The following ULK4 variants were observed in gnomAD, a reference collection of about 807,000 sequenced individuals.
ULK4 encodes inactive serine/threonine-protein kinase ULK4.
ULK4 carries 133 observed loss-of-function variants against 160.6 expected under a neutral mutation model. That is an observed-to-expected ratio of 0.83 (90% confidence interval 0.72 to 0.96). ULK4 has a LOEUF of 0.96. Among genes scored for constraint, ULK4 ranks in the 40% least tolerant of loss-of-function variants. The pLI is 0.00. For synonymous variants in ULK4, 534 were observed against 539.8 expected, an observed-to-expected ratio of 0.99 and a Z score of 0.15; for missense variants, 1,580 against 1,499.5, an observed-to-expected ratio of 1.05 and a Z score of -0.89.
intron 35 of ULK4, among the ~76,000 whole-genome samples, chr3:41,374,580 T>C (rs953513182): frequency 6.6e-6 from 1 of 152,160 alleles, no homozygotes; most frequent in African/African-American, 2.4e-5. Context: ...TTCAATAAAA[T>C]TCAACACCTC....
chr3:41,538,289 A>G (rs1281206006), intron 32 of ULK4, among the ~76,000 whole-genome samples: 2 of 152,154 alleles, frequency 1.3e-5, no homozygotes, highest in Admixed American at 1.3e-4. Flanking sequence ...ATTAAGGACT[A>G]TATCACAAAA....
intron 35 of ULK4, among the ~76,000 whole-genome samples, chr3:41,356,814 A>T (rs1027163952): frequency 6.6e-6 from 1 of 152,114 alleles, no homozygotes; most frequent in African/African-American, 2.4e-5. Context: ...GCTTCAAGGG[A>T]GAGAAAGGAG....
chr3:41,371,034 T>C (rs1403378654), intron 35 of ULK4, among the ~76,000 whole-genome samples: 2 of 152,140 alleles, frequency 1.3e-5, no homozygotes, highest in Admixed American at 6.5e-5. Flanking sequence ...GCCTGGAAGT[T>C]TGAACTGGGC....
At chr3:41,255,671 A>T (rs1281040596) in intron 35 of ULK4, among the ~76,000 whole-genome samples, 1 of 152,238 alleles carries the variant, frequency 6.6e-6, no homozygotes, top group Non-Finnish European at 1.5e-5. Context: ...GGCCAGGAAG[A>T]TACAGCAATT....
chr3:41,522,688 GA>G (rs1414514196), intron 32 of ULK4, among the ~76,000 whole-genome samples: 7 of 152,156 alleles, frequency 4.6e-5, no homozygotes, highest in Non-Finnish European at 1.0e-4. Context: ...TGATATGACA[GA>G]ACTGAAAATG....
At chr3:41,345,788 GAAGAA>G (rs2080786305) in intron 35 of ULK4, among the ~76,000 whole-genome samples, 1 of 152,006 alleles carries the variant, frequency 6.6e-6, no homozygotes, top group Non-Finnish European at 1.5e-5. Context: ...AATATAAGTT[GAAGAA>G]AAGTAAAATA....
At chr3:41,688,852 T>C (rs2036187038) in intron 27 of ULK4, among the ~76,000 whole-genome samples, 1 of 152,216 alleles carries the variant, frequency 6.6e-6, no homozygotes, top group Non-Finnish European at 1.5e-5. Context: ...AGCCTGAATA[T>C]ACTGGTGGTA....
At chr3:41,745,311 C>T (rs1198343878) in intron 22 of ULK4, among the ~76,000 whole-genome samples, 1 of 151,138 alleles carries the variant, frequency 6.6e-6, no homozygotes, top group African/African-American at 2.4e-5. Flanking sequence ...TCATCTATAT[C>T]AGGAATGAAA....
At position 41,341,084 on chromosome 3, in the gene ULK4, G is replaced by A. The variant is rs1187304143; in HGVS notation, c.3678+56995C>T. ...AAGTCCAGCTGTGTGCCATCTCACG[G>A]CTGGGAGCATCTCAGGACAGTGACA... is the stretch of plus-strand genomic sequence containing the variant. On this transcript the variant is annotated intron_variant, in intron 35 of 36. Coordinates refer to ENST00000301831, the MANE Select transcript of ULK4 (RefSeq NM_017886.4). 2.0e-5 allele frequency among the ~76,000 whole-genome samples: 3 copies of A among 152,164 alleles called. No individual in the cohort carries two copies. The East Asian group carries it at 5.8e-4, about 29-fold the overall frequency.
chr3:41,940,136 C>T lies in ULK4; in HGVS notation c.139-1939G>A, dbSNP rs757750432. ...CTCAGGAAAGGACCCCCAAGCCTCT[C>T]AAAAAGTATCAAAGATCTGAACCTC... is the stretch of plus-strand genomic sequence containing the variant. On this transcript the variant is annotated intron_variant, in intron 2 of 36. Coordinates refer to ENST00000301831, the MANE Select transcript of ULK4 (RefSeq NM_017886.4). Among the ~76,000 whole-genome samples the T allele has an allele frequency of 1.1e-3, 160 of 152,142 alleles. 2 individuals carry two copies. The highest frequency in any genetic ancestry group is 4.3e-4 in the Non-Finnish European group (29 of 67,992).
At chr3:41,624,449 A>C (rs1324398028) in intron 30 of ULK4, among the ~76,000 whole-genome samples, 4 of 152,068 alleles carry the variant, frequency 2.6e-5, no homozygotes, top group African/African-American at 9.7e-5. Context: ...ATAACCACAC[A>C]AAACTATCTT....
At chr3:41,609,815 T>C (rs1225709551) in intron 31 of ULK4, among the ~76,000 whole-genome samples, 2 of 151,558 alleles carry the variant, frequency 1.3e-5, no homozygotes, top group Admixed American at 6.6e-5. Context: ...CTACAAACAC[T>C]ACGAAAAAAT....
intron 35 of ULK4, among the ~76,000 whole-genome samples, chr3:41,394,836 C>G (rs6769598): frequency 6.6e-6 from 1 of 152,018 alleles, no homozygotes; most frequent in Non-Finnish European, 1.5e-5. Context: ...CCAGGGTAAA[C>G]TAGAAAGCTT....
At position 41,640,792 on chromosome 3, in the gene ULK4, T is replaced by C. The variant is rs146758636; in HGVS notation, c.3071+22815A>G. On this transcript the variant is annotated intron_variant, in intron 30 of 36. Coordinates refer to ENST00000301831, the MANE Select transcript of ULK4 (RefSeq NM_017886.4). Reference sequence around the variant, plus strand: ...AAAATGGAAGAATAATCCAACGATATATACAACTTTTTTTTAATTGAATTG... The same window carrying C: ...AAAATGGAAGAATAATCCAACGATACATACAACTTTTTTTTAATTGAATTG... Among the ~76,000 whole-genome samples the C allele has an allele frequency of 4.8e-3, 727 of 152,272 alleles. 7 individuals are homozygous for C. The highest frequency in any genetic ancestry group is 0.011 in the African/African-American group (468 of 41,546).
intron 31 of ULK4, among the ~76,000 whole-genome samples, chr3:41,581,192 T>A (rs925871500): frequency 5.9e-5 from 9 of 152,156 alleles, no homozygotes; most frequent in Non-Finnish European, 1.3e-4. Flanking sequence ...GAATCCTATA[T>A]ACCAGAATCT....
At chr3:41,375,606 C>A (rs1186878369) in intron 35 of ULK4, among the ~76,000 whole-genome samples, 1 of 150,150 alleles carries the variant, frequency 6.7e-6, no homozygotes, top group Non-Finnish European at 1.5e-5. Flanking sequence ...TACCCCTTCC[C>A]TACACCTTAT....
chr3:41,745,328 A>ACT (rs2038383154), intron 22 of ULK4, among the ~76,000 whole-genome samples: 1 of 151,690 alleles, frequency 6.6e-6, no homozygotes, highest in Admixed American at 6.6e-5. Flanking sequence ...GAAAAGGGAT[A>ACT]TCACTACAAA....
At chr3:41,871,271 G>T (rs1195943035) in intron 17 of ULK4, among the ~76,000 whole-genome samples, 2 of 152,130 alleles carry the variant, frequency 1.3e-5, no homozygotes, top group African/African-American at 4.8e-5. Flanking sequence ...CAACCAAGTT[G>T]TTGGGTATCA....
chr3:41,901,478 C>CTTTTTTTTTTTTTTTTTTTTTTTTT (rs1305478036), intron 12 of ULK4, among the ~76,000 whole-genome samples: 2 of 22,946 alleles, frequency 8.7e-5, no homozygotes, highest in Non-Finnish European at 6.2e-4. Flanking sequence ...CCACGCCCAG[C>CTTTTTTTTTTTTTTTTTTTTTTTTT]CTTTTTTTTT....
Sources: allele counts gnomAD v4.1 joint callset (sites outside exome capture counted in the v4.1 genomes callset), GRCh38; gene constraint gnomAD v4.1.1; transcripts MANE v1.5; gene names NCBI Gene and HGNC (gene_info 2026-07-23, HGNC 2026-07-21).